The following DOCK8 variants were observed in gnomAD, a reference collection of about 807,000 sequenced individuals.
The protein encoded by DOCK8 is dedicator of cytokinesis protein 8.
In DOCK8, 141 loss-of-function variants were observed where a neutral mutation model predicts 245.6. The observed-to-expected ratio is 0.57, with a 90% CI of 0.50 to 0.66. The LOEUF is 0.66. Among genes scored for constraint, DOCK8 ranks in the 30% least tolerant of loss-of-function variants. The probability of loss-of-function intolerance (pLI) is 0.00; values close to 1 mark genes in which losing one functional copy is unlikely to be tolerated. For missense variants in DOCK8, 2,965 were observed against 2,603.4 expected (o/e 1.14, Z -3.02); for synonymous variants, 1,168 against 970.2 (o/e 1.20, Z -3.79).
chr9:435,700 A>G (rs932000302), intron 39 of DOCK8, among the ~76,000 whole-genome samples: 2 of 152,210 alleles, frequency 1.3e-5, no homozygotes, highest in African/African-American at 4.8e-5. Context: ...AAAATTACCC[A>G]CATTTGGCAA....
Position 426,880 on chromosome 9 carries a change from C to T in DOCK8, c.4242-5C>T, listed in dbSNP as rs2056522118. 1.2e-6 allele frequency: 2 copies of T among 1,613,920 alleles called. No individual in the cohort carries two copies. The highest frequency in any genetic ancestry group is 1.1e-5 in the South Asian group (1 of 91,066). On this transcript the variant is annotated splice_polypyrimidine_tract_variant and splice_region_variant and intron_variant, in intron 33 of 47. Coordinates refer to ENST00000432829, the MANE Select transcript of DOCK8 (RefSeq NM_203447.4). ...GCTTTAATTTGACCTCTTGTTGTTT[C>T]CTAGAACAAAGGCCGAGTTAGATCA...
At chr9:286,740 A>G in intron 3 of DOCK8, 104 bp downstream of exon 3, 1 of 1,093,334 alleles carries the variant, frequency 9.1e-7, no homozygotes, top group South Asian at 1.3e-5. Flanking sequence ...ATAAAATAAA[A>G]TTACTCAATC....
chr9:441,348 T>C lies in DOCK8; in HGVS notation c.5286T>C (p.His1762=). 1.9e-6 allele frequency: 3 copies of C among 1,614,178 alleles called. No homozygotes were observed. The highest frequency in any genetic ancestry group is 2.5e-6 in the Non-Finnish European group (3 of 1,180,028). The change falls in exon 41 of 48, where the codon CAT becomes CAC. Residue 1762 remains histidine (H), a synonymous_variant. Coordinates refer to ENST00000432829, the MANE Select transcript of DOCK8 (RefSeq NM_203447.4). Reference sequence around the variant, plus strand: ...TGGTCATCCCCATCCTAGAAGCGCATCGAGAATTCCGGAAGCTGACACTCA... The same window carrying C: ...TGGTCATCCCCATCCTAGAAGCGCACCGAGAATTCCGGAAGCTGACACTCA... The part of the protein sequence containing the change: ...YKLVIPILEA[H]REFRKLTLTH...
At chr9:318,124 T>C (rs2050426377) in intron 7 of DOCK8, among the ~76,000 whole-genome samples, 1 of 152,378 alleles carries the variant, frequency 6.6e-6, no homozygotes, top group African/African-American at 2.4e-5. Flanking sequence ...TGCAATAGAT[T>C]GTCTTGTGTA....
intron 30 of DOCK8, 107 bp downstream of exon 30, chr9:418,314 C>T: frequency 6.8e-7 from 1 of 1,476,164 alleles, no homozygotes; most frequent in Non-Finnish European, 9.4e-7. Flanking sequence ...CTCTGTTGCA[C>T]AGGCTGGAGT....
intron 2 of DOCK8, among the ~76,000 whole-genome samples, chr9:278,443 A>G (rs1016946764): frequency 1.3e-5 from 2 of 152,262 alleles, no homozygotes; most frequent in African/African-American, 4.8e-5. Context: ...CAGCAGTGAG[A>G]TTGAAGATAC....
chr9:265,963 C>A (rs2048026595), intron 1 of DOCK8, among the ~76,000 whole-genome samples: 1 of 152,118 alleles, frequency 6.6e-6, no homozygotes, highest in Non-Finnish European at 1.5e-5. Context: ...AGTTTTCATT[C>A]TTTTTCTTTA....
chr9:242,281 A>G (rs562500053), intron 1 of DOCK8, among the ~76,000 whole-genome samples: 1 of 152,318 alleles, frequency 6.6e-6, no homozygotes, highest in Admixed American at 6.5e-5. Flanking sequence ...ACCCAAGCCA[A>G]TCAAAAATGA....
intron 2 of DOCK8, among the ~76,000 whole-genome samples, chr9:275,602 T>A (rs1433119994): frequency 6.6e-6 from 1 of 152,208 alleles, no homozygotes; most frequent in Non-Finnish European, 1.5e-5. Flanking sequence ...TTTAATGTAT[T>A]TTTTGAGATG....
intron 1 of DOCK8, chr9:215,428 C>A: frequency 6.6e-7 from 1 of 1,508,530 alleles, no homozygotes. Context: ...CAAGTCTGAG[C>A]GCGGGGGGAA....
chr9:361,657 A>G (rs1267088230), intron 14 of DOCK8, among the ~76,000 whole-genome samples: 1 of 152,178 alleles, frequency 6.6e-6, no homozygotes, highest in Non-Finnish European at 1.5e-5. Context: ...AGGTGCTACT[A>G]AGATGCAAAA....
chr9:425,456 C>CCG (rs2056452538), intron 33 of DOCK8, among the ~76,000 whole-genome samples: 1 of 148,772 alleles, frequency 6.7e-6, no homozygotes, highest in Non-Finnish European at 1.5e-5. Context: ...GGCGTGAACC[C>CCG]GGGAAGTGGA....
chr9:394,057 C>A (rs942005560), intron 24 of DOCK8, among the ~76,000 whole-genome samples: 3 of 152,126 alleles, frequency 2.0e-5, no homozygotes, highest in African/African-American at 7.2e-5. Context: ...AAAAATGTTG[C>A]CACTACCAGG....
intron 14 of DOCK8, among the ~76,000 whole-genome samples, chr9:354,598 A>G (rs2052336363): frequency 1.3e-5 from 2 of 152,168 alleles, no homozygotes; most frequent in South Asian, 4.2e-4. Context: ...TGCAGTGAGG[A>G]TGTCAGCCTA....
intron 2 of DOCK8, among the ~76,000 whole-genome samples, chr9:281,129 C>G (rs368329560): frequency 2.0e-5 from 3 of 152,176 alleles, no homozygotes; most frequent in East Asian, 3.9e-4. Context: ...TGGCGCATGC[C>G]TGTAATCCCA....
intron 46 of DOCK8, among the ~76,000 whole-genome samples, chr9:457,869 A>G (rs181307304): frequency 6.6e-6 from 1 of 152,330 alleles, no homozygotes. Context: ...TAATCTTTAC[A>G]TTAATTTATG....
At chr9:215,224 C>T (rs1220908407) in intron 1 of DOCK8, 195 bp downstream of exon 1, 1 of 1,551,762 alleles carries the variant, frequency 6.4e-7, no homozygotes. Flanking sequence ...TGCGCTGGGC[C>T]CGGCGAGGTC....
intron 1 of DOCK8, among the ~76,000 whole-genome samples, chr9:251,725 C>T (rs930771805): frequency 6.6e-6 from 1 of 152,132 alleles, no homozygotes; most frequent in African/African-American, 2.4e-5. Context: ...ATACCTCCCT[C>T]ATAGAGTTGT....
intron 1 of DOCK8, among the ~76,000 whole-genome samples, chr9:225,317 G>A (rs1420319028): frequency 6.6e-6 from 1 of 152,186 alleles, no homozygotes; most frequent in East Asian, 1.9e-4. Flanking sequence ...GAGGAGATGA[G>A]TCTCAGCTGG....
Sources: allele counts gnomAD v4.1 joint callset (sites outside exome capture counted in the v4.1 genomes callset), GRCh38; gene constraint gnomAD v4.1.1; transcripts MANE v1.5; gene names NCBI Gene and HGNC (gene_info 2026-07-23, HGNC 2026-07-21).